Variants in ZNF423 observed in about 807,000 individuals in gnomAD.
The protein encoded by ZNF423 is zinc finger protein 423.
Under a neutral mutation model 95.8 loss-of-function variants are expected in ZNF423, and 12 were observed. The ratio of observed to expected loss-of-function variants is 0.13; its 90% CI spans 0.08 to 0.20. ZNF423 has a LOEUF of 0.20. ZNF423 is among the 10% of genes least tolerant of loss of function. ZNF423 has a pLI of 1.00. For synonymous variants in ZNF423, 749 were observed against 711.9 expected (o/e 1.05, Z -0.83); for missense variants, 1,316 against 1,737.1 (o/e 0.76, Z 4.31).
chr16:49,732,834 G>A (rs1430244959), intron 2 of ZNF423, among the ~76,000 whole-genome samples: 2 of 152,214 alleles, frequency 1.3e-5, no homozygotes, highest in Admixed American at 6.5e-5. Flanking sequence ...TCGGCTCATC[G>A]GAGAGCCAGC....
At chr16:49,731,859 A>T (rs933996752) in intron 2 of ZNF423, among the ~76,000 whole-genome samples, 1 of 152,204 alleles carries the variant, frequency 6.6e-6, no homozygotes, top group Non-Finnish European at 1.5e-5. Context: ...AGGCCTAGAC[A>T]GTTAGAATCA....
intron 3 of ZNF423, among the ~76,000 whole-genome samples, chr16:49,662,269 A>G (rs527304770): frequency 6.6e-6 from 1 of 152,148 alleles, no homozygotes; most frequent in Non-Finnish European, 1.5e-5. Context: ...GTCCCTTCCA[A>G]TGAAGGGGAA....
At chr16:49,563,164 T>C (rs1970073667) in intron 5 of ZNF423, among the ~76,000 whole-genome samples, 1 of 152,212 alleles carries the variant, frequency 6.6e-6, no homozygotes, top group Non-Finnish European at 1.5e-5. Context: ...TAATCCCCAG[T>C]GTGGTCGTGT....
chr16:49,741,088 T>G (rs956102689), intron 2 of ZNF423, among the ~76,000 whole-genome samples: 7 of 151,924 alleles, frequency 4.6e-5, no homozygotes, highest in Admixed American at 1.3e-4. Context: ...CCACACAAAT[T>G]ACAGAAATGA....
At position 49,702,442 on chromosome 16, in the gene ZNF423, A is replaced by G. The variant is rs1008867488; in HGVS notation, c.301+28329T>C. ...AGCTGGTTTGTGCAGCACAGCTGTG[A>G]CGGCCCTTGTATCCCTGCCGAGGGC... On this transcript the variant is annotated intron_variant, in intron 3 of 7. Coordinates refer to ENST00000563137, the MANE Select transcript of ZNF423 (RefSeq NM_001379286.1). Among the ~76,000 whole-genome samples the G allele has an allele frequency of 2.6e-5, 4 of 152,176 alleles. No homozygotes were observed. The South Asian group carries it at 8.3e-4, about 32-fold the overall frequency.
intron 5 of ZNF423, among the ~76,000 whole-genome samples, chr16:49,558,955 C>T (rs1349236353): frequency 6.6e-6 from 1 of 152,176 alleles, no homozygotes; most frequent in Non-Finnish European, 1.5e-5. Flanking sequence ...AAGGGGGTCT[C>T]AGAGGCAGGG....
intron 3 of ZNF423, among the ~76,000 whole-genome samples, chr16:49,677,634 A>G (rs2031171060): frequency 6.6e-6 from 1 of 151,708 alleles, no homozygotes; most frequent in Admixed American, 6.6e-5. Context: ...AATTTTTTTA[A>G]AAGTAGCTAC....
chr16:49,754,729 C>T lies in ZNF423; in HGVS notation c.101-23758G>A, dbSNP rs558993453. ...AGAGATGTATTTGCACCTCAAAGTGCGGCCTCCTGCACTGCTTAATGAGGA... is the reference window on the plus strand; with the variant it reads ...AGAGATGTATTTGCACCTCAAAGTGTGGCCTCCTGCACTGCTTAATGAGGA... On this transcript the variant is annotated intron_variant, in intron 2 of 7. Transcript: ENST00000563137. Among the ~76,000 whole-genome samples, 10 of 152,340 alleles carry T rather than the reference C, an allele frequency of 6.6e-5. No homozygotes were observed. The East Asian group carries it at 1.5e-3, about 24-fold the overall frequency.
At chr16:49,593,904 C>T (rs1971097269) in intron 5 of ZNF423, among the ~76,000 whole-genome samples, 1 of 152,176 alleles carries the variant, frequency 6.6e-6, no homozygotes, top group African/African-American at 2.4e-5. Flanking sequence ...GCAGAAATCT[C>T]TATCTGTAAG....
At chr16:49,507,828 G>T (rs1967707950) in intron 7 of ZNF423, among the ~76,000 whole-genome samples, 1 of 152,334 alleles carries the variant, frequency 6.6e-6, no homozygotes, top group Admixed American at 6.5e-5. Flanking sequence ...TTTCAACGGG[G>T]TTACAAACTC....
chr16:49,762,418 C>T (rs1277136637), intron 2 of ZNF423, among the ~76,000 whole-genome samples: 1 of 152,188 alleles, frequency 6.6e-6, no homozygotes, highest in East Asian at 1.9e-4. Flanking sequence ...AAGCCTGTGG[C>T]CAGCCCTTCG....
At chr16:49,847,310 G>A (rs2035255803) in intron 1 of ZNF423, 1 of 152,246 alleles carries the variant, frequency 6.6e-6, no homozygotes, top group African/African-American at 2.4e-5. Flanking sequence ...ACTGGCCTAA[G>A]TGTGCAGGAC....
At chr16:49,593,928 C>G (rs868460117) in intron 5 of ZNF423, among the ~76,000 whole-genome samples, 2 of 152,122 alleles carry the variant, frequency 1.3e-5, no homozygotes, top group East Asian at 3.9e-4. Flanking sequence ...CTCCTCCTGG[C>G]CCCCCATGGA....
intron 3 of ZNF423, among the ~76,000 whole-genome samples, chr16:49,645,666 A>C (rs1052448526): frequency 5.9e-5 from 9 of 152,160 alleles, no homozygotes; most frequent in Non-Finnish European, 1.2e-4. Context: ...ATACCGTATG[A>C]TATGGTTTGG....
At chr16:49,677,266 G>GAGAAGAGAAGAGAAGAGAAT in intron 3 of ZNF423, among the ~76,000 whole-genome samples, 1 of 60,586 alleles carries the variant, frequency 1.7e-5, no homozygotes, top group African/African-American at 6.2e-5. Flanking sequence ...GAGAAGAGAA[G>GAGAAGAGAAGAGAAGAGAAT]AGAAGAGAAG....
intron 3 of ZNF423, among the ~76,000 whole-genome samples, chr16:49,642,144 T>C (rs1283864390): frequency 6.6e-6 from 1 of 152,224 alleles, no homozygotes; most frequent in Non-Finnish European, 1.5e-5. Context: ...GTGCTAAGTA[T>C]GTCTATTATC....
rs181136841 is a variant in ZNF423, at chr16:49,792,766, G to A, written c.41-3220C>T. ...AAACAAAAACAGAATATGGGCTAGA[G>A]GATTGTTTTATGAGACAGGCTCATG... On this transcript the variant is annotated intron_variant, in intron 1 of 7. Coordinates refer to ENST00000563137, the MANE Select transcript of ZNF423 (RefSeq NM_001379286.1). Among the ~76,000 whole-genome samples, 31 of 152,228 alleles carry A rather than the reference G, an allele frequency of 2.0e-4. No individual in the cohort carries two copies. In the East Asian group the frequency reaches 6.0e-3, roughly 29 times the overall value.
At chr16:49,557,223 A>G (rs1431611459) in intron 5 of ZNF423, among the ~76,000 whole-genome samples, 1 of 152,202 alleles carries the variant, frequency 6.6e-6, no homozygotes, top group Non-Finnish European at 1.5e-5. Flanking sequence ...GAGTATTCCT[A>G]GGGCGCGAGC....
intron 5 of ZNF423, among the ~76,000 whole-genome samples, chr16:49,549,390 C>G (rs1012109090): frequency 6.6e-6 from 1 of 152,228 alleles, no homozygotes; most frequent in Non-Finnish European, 1.5e-5. Flanking sequence ...CAGGGAAGAG[C>G]TCTCACCAGG....
Sources: gnomAD v4.1 joint callset for allele counts (sites outside exome capture counted in the v4.1 genomes callset) on GRCh38, gnomAD v4.1.1 for gene constraint, MANE v1.5 for transcripts, NCBI Gene and HGNC (gene_info 2026-07-23, HGNC 2026-07-21) for gene names.